CHIC2: variants seen among roughly 807,000 people sequenced by gnomAD.
The protein encoded by CHIC2 is cysteine rich hydrophobic domain 2.
A neutral mutation model predicts 25.9 loss-of-function variants in CHIC2; 14 were observed. That is an observed-to-expected ratio of 0.54 (90% CI 0.36 to 0.85). CHIC2 has a LOEUF of 0.85. CHIC2 is among the 40% of genes least tolerant of loss of function. The pLI, the probability that CHIC2 is intolerant of heterozygous loss-of-function variation, is 0.01. For synonymous variants in CHIC2, 70 were observed against 72.0 expected (o/e 0.97, Z 0.14); for missense variants, 146 against 202.0 (o/e 0.72, Z 1.68).
the CHIC2 span, among the ~76,000 whole-genome samples, chr4:54,081,565 C>A: frequency 6.6e-6 from 1 of 152,110 alleles, no homozygotes; most frequent in Non-Finnish European, 1.5e-5. Context: ...CAGGAATCTG[C>A]CCTAGACATG....
At chr4:54,053,539 A>G (rs1717073418) in intron 1 of CHIC2, among the ~76,000 whole-genome samples, 1 of 148,882 alleles carries the variant, frequency 6.7e-6, no homozygotes, top group Admixed American at 6.7e-5. Context: ...CGGGCTGACA[A>G]CAGTGAGACT....
chr4:54,061,968 CTA>C (rs1487424514), intron 1 of CHIC2, among the ~76,000 whole-genome samples: 1 of 152,062 alleles, frequency 6.6e-6, no homozygotes, highest in Non-Finnish European at 1.5e-5. Flanking sequence ...AAGTGGAAAA[CTA>C]TATCTGAGGA....
chr4:54,074,151 C>T, the CHIC2 span, among the ~76,000 whole-genome samples: 2 of 151,488 alleles, frequency 1.3e-5, no homozygotes. Context: ...GTGAGAGATT[C>T]CATCTCAAAA....
chr4:54,065,879 G>T (rs1472434456), upstream of CHIC2, among the ~76,000 whole-genome samples: 3 of 152,162 alleles, frequency 2.0e-5, no homozygotes, highest in Non-Finnish European at 2.9e-5. Flanking sequence ...AAATGAGTGT[G>T]GTTAGCCAAG....
chr4:54,032,412 C>T (rs942075576), intron 3 of CHIC2, among the ~76,000 whole-genome samples: 3 of 151,900 alleles, frequency 2.0e-5, no homozygotes, highest in African/African-American at 7.3e-5. Context: ...ATTGCAGGTG[C>T]GCGCCGCCAC....
intron 3 of CHIC2, among the ~76,000 whole-genome samples, chr4:54,027,033 A>T (rs950273729): frequency 2.0e-5 from 3 of 152,308 alleles, no homozygotes. Flanking sequence ...TGAATAATCA[A>T]CTTACTCTAA....
the CHIC2 span, among the ~76,000 whole-genome samples, chr4:54,089,714 T>C: frequency 6.6e-5 from 10 of 152,340 alleles, no homozygotes; most frequent in Admixed American, 5.9e-4. Flanking sequence ...TCCTATAGGT[T>C]CTTGCTGCAT....
At chr4:54,020,807 A>G (rs954943660) in intron 3 of CHIC2, among the ~76,000 whole-genome samples, 1 of 152,200 alleles carries the variant, frequency 6.6e-6, no homozygotes, top group Non-Finnish European at 1.5e-5. Context: ...AGACTCGGGA[A>G]GACAGCCTTC....
the CHIC2 span, chr4:54,087,372 C>T: frequency 2.7e-5 from 15 of 565,700 alleles, 1 homozygote; most frequent in South Asian, 4.5e-4. Flanking sequence ...TAACTCCCTG[C>T]TAAGCAAAAT....
chr4:54,018,691 C>T lies in CHIC2; in HGVS notation c.331-4572G>A, dbSNP rs201426085. Among the ~76,000 whole-genome samples, 33 of 151,884 alleles carry T rather than the reference C, an allele frequency of 2.2e-4. No homozygotes were observed. The East Asian group carries it at 6.2e-3, about 28-fold the overall frequency. Reference sequence around the variant, plus strand: ...GTAACAAAGTTTATCTTAATATTTCCCAATAAAATAGTATTATCAGTCTTT... The same window carrying T: ...GTAACAAAGTTTATCTTAATATTTCTCAATAAAATAGTATTATCAGTCTTT... On this transcript the variant is annotated intron_variant, in intron 3 of 5. Coordinates refer to ENST00000263921, the MANE Select transcript of CHIC2 (RefSeq NM_012110.4).
chr4:54,048,959 T>C lies in CHIC2; in HGVS notation c.326A>G (p.Lys109Arg), dbSNP rs777419410. 13 of 1,546,554 alleles carry C rather than the reference T, an allele frequency of 8.4e-6. No individual in the cohort carries two copies. Among genetic ancestry groups the C allele is most frequent in the Non-Finnish European group, 1.1e-5 (13 of 1,146,974 alleles). ...CSMWPVICLS[K>R]RTRRSIEKLL... ...AAAATATATAATTCAACTTACTCTTTTACTGAGGCAAATAACTGGCCACAT... is the reference window on the plus strand; with the variant it reads ...AAAATATATAATTCAACTTACTCTTCTACTGAGGCAAATAACTGGCCACAT... The change falls in exon 3 of 6, where the codon AAA (lysine) becomes AGA (arginine). Residue 109 changes from lysine (K) to arginine (R), a missense_variant. Transcript: ENST00000263921.
chr4:54,064,033 T>C lies in CHIC2; in HGVS notation c.119+149A>G. 1.5e-6 allele frequency: 1 copy of C among 665,710 alleles called. No individual in the cohort carries two copies. Among genetic ancestry groups the C allele is most frequent in the Non-Finnish European group, 2.6e-6 (1 of 387,948 alleles). The allele number at this position is 665,710 out of a possible 1,614,324, so 41.2% of individuals were successfully genotyped here. ...TCCCCACTTCGGAGACCCAAACAAA[T>C]GAAAATAAGCCAAGTTCTCACTTCC... On this transcript the variant is annotated intron_variant, in intron 1 of 5. Transcript: ENST00000263921. The surrounding 1 kb of genome is among the most constrained non-coding windows in gnomAD (Gnocchi z 4.2).
chr4:54,045,075 T>C (rs1406339427), intron 3 of CHIC2, among the ~76,000 whole-genome samples: 2 of 152,132 alleles, frequency 1.3e-5, no homozygotes, highest in African/African-American at 4.8e-5. Flanking sequence ...CCTCGACACA[T>C]ACACTCTCCC....
the CHIC2 span, chr4:54,086,972 C>A: frequency 1.3e-6 from 1 of 769,842 alleles, no homozygotes; most frequent in Non-Finnish European, 2.3e-6. Flanking sequence ...CAACAATCTG[C>A]AGAAGAAGAC....
chr4:54,064,308 C>T lies in CHIC2; in HGVS notation c.-8G>A. The T allele has an allele frequency of 6.2e-7, 1 of 1,613,262 alleles. No individual in the cohort carries two copies. Among genetic ancestry groups the T allele is most frequent in the Non-Finnish European group, 8.5e-7 (1 of 1,179,586 alleles). On this transcript the variant is annotated 5_prime_UTR_variant, in exon 1 of 6. Coordinates refer to ENST00000263921, the MANE Select transcript of CHIC2 (RefSeq NM_012110.4). This position sits in a 1 kb window ranked among gnomAD's most constrained non-coding sequence, Gnocchi z 4.2. ...TTCGTCGAAATCCGCCATCCTGAGC[C>T]TCCGAGCTCCCCTGCCCAAAGGGCC...
At chr4:54,049,756 T>C (rs889094232) in intron 1 of CHIC2, among the ~76,000 whole-genome samples, 1 of 149,678 alleles carries the variant, frequency 6.7e-6, no homozygotes, top group Non-Finnish European at 1.5e-5. Flanking sequence ...GGAAAAAGAG[T>C]GAGGAGGGGA....
At chr4:54,028,448 A>C (rs1048417060) in intron 3 of CHIC2, among the ~76,000 whole-genome samples, 2 of 152,216 alleles carry the variant, frequency 1.3e-5, no homozygotes, top group African/African-American at 4.8e-5. Context: ...TCTGAGCCTC[A>C]GTTTTCTCAT....
chr4:54,032,581 T>C (rs1214636628), intron 3 of CHIC2, among the ~76,000 whole-genome samples: 1 of 151,974 alleles, frequency 6.6e-6, no homozygotes, highest in South Asian at 2.1e-4. Context: ...CAGAGAAAAA[T>C]ACAGGTCAAT....
chr4:54,021,238 G>C (rs1715890685), intron 3 of CHIC2, among the ~76,000 whole-genome samples: 1 of 152,074 alleles, frequency 6.6e-6, no homozygotes, highest in Non-Finnish European at 1.5e-5. Context: ...ACAAGATCTA[G>C]ATAATTTTTG....
Sources: allele counts gnomAD v4.1 joint callset (sites outside exome capture counted in the v4.1 genomes callset), GRCh38; gene constraint gnomAD v4.1.1; non-coding constraint Gnocchi (gnomAD v3.1); transcripts MANE v1.5; gene names NCBI Gene and HGNC (gene_info 2026-07-23, HGNC 2026-07-21).